FBN1: variants seen among roughly 807,000 people sequenced by gnomAD.
FBN1 encodes fibrillin-1.
FBN1 carries 29 observed loss-of-function variants against 365.1 expected under a neutral mutation model. The observed-to-expected ratio is 0.08, with a 90% CI of 0.06 to 0.11. The LOEUF (loss-of-function observed/expected upper bound fraction) is 0.11, where lower values mean the gene tolerates loss of function less well. FBN1 is among the 10% of genes least tolerant of loss of function. The pLI is 1.00. For missense variants in FBN1, 2,476 were observed against 3,703.2 expected, an observed-to-expected ratio of 0.67 and a Z score of 8.60; for synonymous variants, 1,210 against 1,270.5, an observed-to-expected ratio of 0.95 and a Z score of 1.01.
At chr15:48,524,750 T>G (rs2043893666) in intron 9 of FBN1, among the ~76,000 whole-genome samples, 1 of 152,066 alleles carries the variant, frequency 6.6e-6, no homozygotes, top group Non-Finnish European at 1.5e-5. Flanking sequence ...TTATCTAACC[T>G]CTCTCAATCT....
chr15:48,427,865 A>G (rs745979589), intron 57 of FBN1, 92 bp from the exon 58 acceptor site: 1 of 1,093,490 alleles, frequency 9.1e-7, no homozygotes, highest in Admixed American at 2.0e-5. Context: ...AAACCAAAAA[A>G]GGATGTAACA....
intron 6 of FBN1, among the ~76,000 whole-genome samples, chr15:48,589,644 C>T (rs763127397): frequency 1.3e-4 from 17 of 127,838 alleles, no homozygotes; most frequent in Non-Finnish European, 2.3e-4. Flanking sequence ...GATGGCGTCT[C>T]GCTCTGTCGC....
At chr15:48,620,453 T>TA (rs1889745593) in intron 2 of FBN1, among the ~76,000 whole-genome samples, 1 of 152,188 alleles carries the variant, frequency 6.6e-6, no homozygotes, top group South Asian at 2.1e-4. Context: ...GCATTATAAT[T>TA]AATGTGAGGA....
chr15:48,569,885 C>G (rs2044293590), intron 6 of FBN1, among the ~76,000 whole-genome samples: 1 of 151,824 alleles, frequency 6.6e-6, no homozygotes, highest in Non-Finnish European at 1.5e-5. Context: ...GGTTGCATAA[C>G]TCTAAATTTA....
intron 34 of FBN1, 124 bp downstream of exon 34, chr15:48,474,131 G>C (rs1430722287): frequency 6.9e-7 from 1 of 1,446,224 alleles, no homozygotes; most frequent in East Asian, 2.3e-5. Flanking sequence ...GAGCTCTAGT[G>C]CCAAATGATG....
chr15:48,611,375 C>T (rs1019383986), intron 3 of FBN1, among the ~76,000 whole-genome samples: 13 of 152,144 alleles, frequency 8.5e-5, no homozygotes, highest in African/African-American at 3.1e-4. Context: ...ATTCTCCTGC[C>T]TCAGCCTCCC....
At chr15:48,451,221 T>C (rs983963430) in intron 45 of FBN1, among the ~76,000 whole-genome samples, 2 of 152,238 alleles carry the variant, frequency 1.3e-5, no homozygotes, top group African/African-American at 4.8e-5. Flanking sequence ...ACTCATTCTA[T>C]ATTATCAGCA....
intron 48 of FBN1, among the ~76,000 whole-genome samples, chr15:48,445,167 T>TACAC (rs769085069): frequency 7.1e-6 from 1 of 140,482 alleles, no homozygotes; most frequent in South Asian, 2.3e-4. Context: ...CATATATATA[T>TACAC]ACACACATAT....
intron 31 of FBN1, among the ~76,000 whole-genome samples, chr15:48,482,662 G>A (rs887166500): frequency 1.3e-5 from 2 of 152,086 alleles, no homozygotes; most frequent in Non-Finnish European, 2.9e-5. Flanking sequence ...ACAGGAGAGA[G>A]CTACACAGAA....
chr15:48,605,651 T>C (rs756274744), intron 4 of FBN1, among the ~76,000 whole-genome samples: 29 of 152,260 alleles, frequency 1.9e-4, no homozygotes, highest in African/African-American at 6.5e-4. Flanking sequence ...GGCATGCAGA[T>C]TGCTTGAGCT....
intron 2 of FBN1, among the ~76,000 whole-genome samples, chr15:48,621,415 T>C (rs1160458913): frequency 6.6e-6 from 1 of 152,230 alleles, no homozygotes; most frequent in East Asian, 1.9e-4. Context: ...TGTGGTCTTT[T>C]TCCCAAAAAC....
chr15:48,455,081 G>T (rs1186313256), intron 44 of FBN1, among the ~76,000 whole-genome samples: 2 of 152,154 alleles, frequency 1.3e-5, no homozygotes, highest in Non-Finnish European at 2.9e-5. Context: ...TTTCAGCATT[G>T]CTGAGGCATG....
intron 6 of FBN1, among the ~76,000 whole-genome samples, chr15:48,571,047 GAGGCTATTCAGAAACCA>G (rs1170978501): frequency 6.6e-6 from 1 of 152,204 alleles, no homozygotes; most frequent in Non-Finnish European, 1.5e-5. Flanking sequence ...AAACTAGCTG[GAGGCTATTCAGAAACCA>G]AGGGCAATGC....
At chr15:48,496,357 C>T in intron 19 of FBN1, 132 bp from the exon 20 acceptor site, 2 of 1,097,388 alleles carry the variant, frequency 1.8e-6, no homozygotes, top group South Asian at 2.8e-5. Context: ...ACTCCTGTAG[C>T]ATTAGCTTTT....
chr15:48,572,514 T>A, intron 6 of FBN1, among the ~76,000 whole-genome samples: 1 of 151,276 alleles, frequency 6.6e-6, no homozygotes, highest in Middle Eastern at 3.2e-3. Context: ...AACAATTTAA[T>A]TAGTTTGTTA....
At chr15:48,425,123 T>C (rs2042969099) in intron 60 of FBN1, among the ~76,000 whole-genome samples, 1 of 152,194 alleles carries the variant, frequency 6.6e-6, no homozygotes, top group African/African-American at 2.4e-5. Flanking sequence ...TCTGAGACAG[T>C]CATGGATGGC....
chr15:48,433,388 C>T (rs139480109), intron 54 of FBN1, among the ~76,000 whole-genome samples: 122 of 152,272 alleles, frequency 8.0e-4, no homozygotes, highest in Non-Finnish European at 1.5e-3. Context: ...TGCCCCATTC[C>T]GCCAAAACAA....
intron 22 of FBN1, 120 bp downstream of exon 22, chr15:48,495,003 C>T: frequency 8.8e-7 from 1 of 1,139,766 alleles, no homozygotes; most frequent in Non-Finnish European, 1.3e-6. Context: ...TGTTCGGGGC[C>T]ATCAGGATTA....
intron 62 of FBN1, among the ~76,000 whole-genome samples, chr15:48,421,082 C>CTT (rs200409772): frequency 2.0e-5 from 3 of 146,846 alleles, no homozygotes; most frequent in Non-Finnish European, 4.5e-5. Context: ...TGTGTTTGCT[C>CTT]TTTTTTTTTT....
Sources: allele counts gnomAD v4.1 joint callset (sites outside exome capture counted in the v4.1 genomes callset), GRCh38; gene constraint gnomAD v4.1.1; transcripts MANE v1.5; gene names NCBI Gene and HGNC (gene_info 2026-07-23, HGNC 2026-07-21).